The following LEPR variants were observed in gnomAD, a reference collection of about 807,000 sequenced individuals.
LEPR encodes the protein leptin receptor.
Under a neutral mutation model 114.7 loss-of-function variants are expected in LEPR, and 56 were observed. The observed-to-expected ratio is 0.49, with a 90% confidence interval of 0.39 to 0.61. The LOEUF (loss-of-function observed/expected upper bound fraction) is 0.61, where lower values mean the gene tolerates loss of function less well. LEPR is among the 20% of genes least tolerant of loss of function. The pLI is 0.00. For missense variants in LEPR, 1,202 were observed against 1,352.9 expected, an observed-to-expected ratio of 0.89 and a Z score of 1.75; for synonymous variants, 443 against 461.4, an observed-to-expected ratio of 0.96 and a Z score of 0.51.
intron 2 of LEPR, among the ~76,000 whole-genome samples, chr1:65,514,941 G>A (rs760441472): frequency 3.9e-5 from 6 of 152,334 alleles, no homozygotes; most frequent in East Asian, 3.8e-4. Context: ...ATACGCATAA[G>A]CAATCATTAG....
chr1:65,526,012 C>G (rs1348547504), intron 2 of LEPR: 1 of 793,528 alleles, frequency 1.3e-6, no homozygotes, highest in Non-Finnish European at 1.5e-6. Flanking sequence ...GGGGTGGGTG[C>G]GACGCCGGGC....
intron 2 of LEPR, among the ~76,000 whole-genome samples, chr1:65,510,849 A>C (rs1648991781): frequency 6.6e-6 from 1 of 152,122 alleles, no homozygotes. Flanking sequence ...TTATTGTTTT[A>C]AATTGAATAT....
At chr1:65,610,445 G>C (rs933798247) in intron 14 of LEPR, 149 bp downstream of exon 14, 1 of 712,672 alleles carries the variant, frequency 1.4e-6, no homozygotes, top group African/African-American at 1.8e-5. Context: ...AGAGAGCTAA[G>C]ATGTACAGTG....
At chr1:65,542,953 T>G (rs1199100544) in intron 2 of LEPR, among the ~76,000 whole-genome samples, 1 of 152,018 alleles carries the variant, frequency 6.6e-6, no homozygotes, top group Non-Finnish European at 1.5e-5. Flanking sequence ...GTAGAATGAT[T>G]TATAATCCTT....
intron 2 of LEPR, among the ~76,000 whole-genome samples, chr1:65,454,912 AG>A (rs1300262746): frequency 1.3e-5 from 2 of 152,178 alleles, no homozygotes; most frequent in Non-Finnish European, 2.9e-5. Context: ...CGTCACTTTC[AG>A]GTACACCAAT....
chr1:65,549,580 T>A (rs1429761899), intron 2 of LEPR, among the ~76,000 whole-genome samples: 1 of 151,996 alleles, frequency 6.6e-6, no homozygotes, highest in Non-Finnish European at 1.5e-5. Context: ...CCATCACTGA[T>A]ACCCTTTCTT....
At chr1:65,439,731 T>A (rs1646622074) in intron 2 of LEPR, among the ~76,000 whole-genome samples, 1 of 148,812 alleles carries the variant, frequency 6.7e-6, no homozygotes, top group South Asian at 2.1e-4. Flanking sequence ...GGCAGGAGAA[T>A]CACTTGAACC....
chr1:65,425,524 G>T, intron 2 of LEPR, 146 bp downstream of exon 2: 2 of 614,354 alleles, frequency 3.3e-6, no homozygotes, highest in South Asian at 4.7e-5. Flanking sequence ...CCCTTTGTGG[G>T]TCAGGTGTAC....
chr1:65,480,242 A>G (rs1453949600), intron 2 of LEPR, among the ~76,000 whole-genome samples: 1 of 152,150 alleles, frequency 6.6e-6, no homozygotes, highest in African/African-American at 2.4e-5. Flanking sequence ...AAAAAAAGAT[A>G]CTGTGCAACA....
intron 2 of LEPR, among the ~76,000 whole-genome samples, chr1:65,496,295 A>T (rs936632769): frequency 7.9e-5 from 12 of 152,184 alleles, no homozygotes; most frequent in African/African-American, 2.9e-4. Flanking sequence ...TTTTAGGGCC[A>T]GGTATGGTGG....
At chr1:65,626,295 T>C in intron 19 of LEPR, 1 of 1,306,634 alleles carries the variant, frequency 7.7e-7, no homozygotes, top group Non-Finnish European at 9.8e-7. Context: ...CCACATTTTT[T>C]CAAGTTCTGG....
In LEPR at chr1:65,528,342, A is replaced by G. The variant is rs887656007; in HGVS notation, c.-20-37204A>G. On this transcript the variant is annotated intron_variant, in intron 2 of 19. Transcript: ENST00000349533. ...AATTCCAGTTTTAATTAAATTAGAA[A>G]GTTGCAAATGTTCACCTACTGGCCA... 7.9e-5 allele frequency among the ~76,000 whole-genome samples: 12 copies of G among 152,178 alleles called. 1 individual carries two copies. In the South Asian group the frequency reaches 1.7e-3, roughly 21 times the overall value.
At position 65,429,077 on chromosome 1, in the gene LEPR, T is replaced by G. The variant is rs191742907; in HGVS notation, c.-21+3699T>G. ...GAGATAAATGGCGTTTGATCAAGAC[T>G]AATCTATCAGATGGGAATAAGTGTT... On this transcript the variant is annotated intron_variant, in intron 2 of 19. Transcript: ENST00000349533. Among the ~76,000 whole-genome samples the G allele has an allele frequency of 3.5e-3, 540 of 152,320 alleles. 21 individuals are homozygous for G. Among genetic ancestry groups the G allele is most frequent in the Admixed American group, 0.033 (503 of 15,300 alleles).
chr1:65,584,705 G>A (rs1162408177), intron 5 of LEPR, among the ~76,000 whole-genome samples: 3 of 152,012 alleles, frequency 2.0e-5, no homozygotes, highest in Non-Finnish European at 4.4e-5. Context: ...CCTTTACTAA[G>A]GCTAATGGGT....
At chr1:65,504,190 T>G (rs1389274785) in intron 2 of LEPR, among the ~76,000 whole-genome samples, 1 of 152,098 alleles carries the variant, frequency 6.6e-6, no homozygotes, top group Non-Finnish European at 1.5e-5. Flanking sequence ...AACAGTCGAG[T>G]AAGTAAACAA....
rs1657503275 is a variant in LEPR at position 65,615,996 on chromosome 1, T to A, written c.1996-12T>A. ...CAGCCCTTAAACTAATCAATTTCTA[T>A]ATTTACTACAGCCCCTGATGAAAAA... On this transcript the variant is annotated splice_polypyrimidine_tract_variant and intron_variant, in intron 14 of 19. Transcript: ENST00000349533. 6 of 1,614,058 alleles carry A rather than the reference T, an allele frequency of 3.7e-6. No homozygotes were observed. The East Asian group carries it at 1.3e-4, about 36-fold the overall frequency.
rs140662976 is a variant in LEPR, at chr1:65,435,711, A to G, written c.-21+10333A>G. Reference sequence around the variant, plus strand: ...TTTGCGAAATCAGATTTTGTATCCCAATAGAACCAAAATATTTATGAGGAT... The same window carrying G: ...TTTGCGAAATCAGATTTTGTATCCCGATAGAACCAAAATATTTATGAGGAT... On this transcript the variant is annotated intron_variant, in intron 2 of 19. Transcript: ENST00000349533. The G allele has an allele frequency of 1.3e-3, 1,248 of 985,414 alleles. 16 individuals are homozygous for G. The African/African-American group carries it at 0.021, about 16-fold the overall frequency. The allele number at this position is 985,414 out of a possible 1,614,324, so 61.0% of individuals were successfully genotyped here.
At chr1:65,518,995 C>T (rs113141800) in intron 2 of LEPR, among the ~76,000 whole-genome samples, 139 of 144,312 alleles carry the variant, frequency 9.6e-4, no homozygotes, top group South Asian at 2.7e-3. Context: ...TCCTTCCTTC[C>T]TTCTTTCTTC....
intron 2 of LEPR, among the ~76,000 whole-genome samples, chr1:65,462,390 G>A (rs1193720274): frequency 6.6e-6 from 1 of 152,040 alleles, no homozygotes; most frequent in African/African-American, 2.4e-5. Flanking sequence ...TTCTTAATCC[G>A]TTCTATCATT....
Sources: gnomAD v4.1 joint callset for allele counts (sites outside exome capture counted in the v4.1 genomes callset) on GRCh38, gnomAD v4.1.1 for gene constraint, MANE v1.5 for transcripts, NCBI Gene and HGNC (gene_info 2026-07-23, HGNC 2026-07-21) for gene names.